Variants in CBLN2 observed in about 807,000 individuals in gnomAD.
CBLN2 encodes the protein cerebellin-2.
Under a neutral mutation model 15.0 loss-of-function variants are expected in CBLN2, and 7 were observed. That is an observed-to-expected ratio of 0.47 (90% CI 0.27 to 0.88). CBLN2 has a LOEUF of 0.88. Among genes scored for constraint, CBLN2 ranks in the 40% least tolerant of loss-of-function variants. The pLI is 0.14. For missense variants in CBLN2, 242 were observed against 304.5 expected (o/e 0.79, Z 1.53); for synonymous variants, 149 against 135.2 (o/e 1.10, Z -0.71).
At chr18:72,563,538 A>T (rs1177078922) in intron 1 of CBLN2, among the ~76,000 whole-genome samples, 2 of 151,822 alleles carry the variant, frequency 1.3e-5, no homozygotes, top group Non-Finnish European at 2.9e-5. Context: ...ACAGCAAGGA[A>T]GTGGTAAAGA....
intron 1 of CBLN2, among the ~76,000 whole-genome samples, chr18:72,609,060 T>A (rs1183400203): frequency 6.6e-6 from 1 of 152,188 alleles, no homozygotes; most frequent in East Asian, 1.9e-4. Flanking sequence ...AGGTGAGATT[T>A]GGGTGGGAAC....
chr18:72,622,844 G>A (rs772584722), intron 1 of CBLN2, among the ~76,000 whole-genome samples: 2 of 152,094 alleles, frequency 1.3e-5, no homozygotes, highest in African/African-American at 2.4e-5. Context: ...CCTGCTTATC[G>A]TCTTTGAGCT....
chr18:72,538,535 A>G (rs1228954958), intron 4 of CBLN2, 118 bp downstream of exon 4: 1 of 1,467,680 alleles, frequency 6.8e-7, no homozygotes, highest in African/African-American at 1.4e-5. Flanking sequence ...GAGCCACATC[A>G]CCCCCTGGAC....
At chr18:72,619,232 AG>A in intron 1 of CBLN2, 1 of 929,396 alleles carries the variant, frequency 1.1e-6, no homozygotes. Context: ...AATTACAGTC[AG>A]GAAACAAAGC....
At chr18:72,538,454 A>G (rs1182029838) in intron 4 of CBLN2, 81 bp from the exon 5 acceptor site, 12 of 1,503,866 alleles carry the variant, frequency 8.0e-6, no homozygotes, top group Middle Eastern at 2.0e-4. Flanking sequence ...CAATATCCCC[A>G]CTCCCACCCC....
In CBLN2 at chr18:72,538,262, T is replaced by C; in HGVS notation, c.589A>G (p.Lys197Glu). Residue 197 changes from lysine (K) to glutamate (E), a missense_variant, in exon 5 of 5, where the codon AAA becomes GAA. By Grantham distance (56) the Lys-to-Glu change is moderately conservative. Coordinates refer to ENST00000269503, the MANE Select transcript of CBLN2 (RefSeq NM_182511.4). ...GVLLLMEREDKVHLKLERGNL... is the reference protein window; with the variant it reads ...GVLLLMEREDEVHLKLERGNL... ...CCTCTCTCAAGTTTGAGATGCACTT[T>C]GTCTTCCCTTTCCATGAGCAGCAGC... 6.2e-7 allele frequency: 1 copy of C among 1,614,170 alleles called. No homozygotes were observed. The highest frequency in any genetic ancestry group is 8.5e-7 in the Non-Finnish European group (1 of 1,180,026).
chr18:72,577,007 TATATATATAATGTG>T (rs142894071), intron 1 of CBLN2, among the ~76,000 whole-genome samples: 24,427 of 147,006 alleles, frequency 0.17, 2,239 homozygotes, highest in Admixed American at 0.28. Context: ...TGTGATAATT[TATATATATAATGTG>T]ATATATATAA....
At chr18:72,582,438 A>G (rs12970488) in intron 1 of CBLN2, among the ~76,000 whole-genome samples, 81,157 of 151,924 alleles carry the variant, frequency 0.53, 26,261 homozygotes, top group Non-Finnish European at 0.73. Context: ...TTGTTCTTTC[A>G]GATGTCAGCA....
At chr18:72,547,668 T>C (rs1014877924), upstream of CBLN2, among the ~76,000 whole-genome samples, 2 of 152,054 alleles carry the variant, frequency 1.3e-5, no homozygotes, top group Non-Finnish European at 2.9e-5. Context: ...TAATATATTT[T>C]TATCTAGAAG....
chr18:72,603,535 T>C (rs1444795944), intron 1 of CBLN2, among the ~76,000 whole-genome samples: 2 of 152,184 alleles, frequency 1.3e-5, no homozygotes, highest in East Asian at 1.9e-4. Flanking sequence ...TCATATTTCA[T>C]TGTTTTTCTG....
intron 1 of CBLN2, among the ~76,000 whole-genome samples, chr18:72,549,808 A>G (rs2069180670): frequency 6.6e-6 from 1 of 152,174 alleles, no homozygotes. Context: ...AGATTATTCT[A>G]TCAGGGGTTA....
At chr18:72,612,676 A>G (rs931223687) in intron 1 of CBLN2, among the ~76,000 whole-genome samples, 1 of 152,196 alleles carries the variant, frequency 6.6e-6, no homozygotes, top group African/African-American at 2.4e-5. Flanking sequence ...TTAAATGTCT[A>G]TTCTGCGGAG....
In CBLN2 at chr18:72,540,733, G is replaced by T. The variant is rs559546211; in HGVS notation, c.357+1071C>A. On this transcript the variant is annotated intron_variant, in intron 3 of 4. Transcript: ENST00000269503. ...CTAACAATAATTGAGAAATAAATACGCTGACTTAAATAGAGTCAAGAGTGT... is the reference window on the plus strand; with the variant it reads ...CTAACAATAATTGAGAAATAAATACTCTGACTTAAATAGAGTCAAGAGTGT... Among the ~76,000 whole-genome samples, 5 of 152,010 alleles carry T rather than the reference G, an allele frequency of 3.3e-5. No homozygotes were observed. The East Asian group carries it at 9.6e-4, about 29-fold the overall frequency.
At chr18:72,547,905 A>G (rs376551678), upstream of CBLN2, among the ~76,000 whole-genome samples, 77 of 152,328 alleles carry the variant, frequency 5.1e-4, no homozygotes, top group East Asian at 8.3e-3. Context: ...GCTTTCCAAA[A>G]TATGTTTTCT....
chr18:72,616,691 TGACA>T (rs1206942287), intron 1 of CBLN2, among the ~76,000 whole-genome samples: 4 of 152,338 alleles, frequency 2.6e-5, no homozygotes, highest in Non-Finnish European at 2.9e-5. Flanking sequence ...GTGTAAAAAA[TGACA>T]GACAATCTAA....
chr18:72,585,801 G>C (rs1445152557), intron 1 of CBLN2, among the ~76,000 whole-genome samples: 1 of 152,174 alleles, frequency 6.6e-6, no homozygotes, highest in Non-Finnish European at 1.5e-5. Flanking sequence ...TACCCCCTTG[G>C]CCTCCCTCTC....
chr18:72,586,205 A>T (rs955660571), intron 1 of CBLN2, among the ~76,000 whole-genome samples: 2 of 152,218 alleles, frequency 1.3e-5, no homozygotes, highest in South Asian at 4.1e-4. Flanking sequence ...GCAACATGGC[A>T]GCAGTGCTCC....
chr18:72,539,304 C>G (rs1229768482), intron 3 of CBLN2: 1 of 153,870 alleles, frequency 6.5e-6, no homozygotes, highest in East Asian at 1.9e-4. Context: ...CCTAACTTCA[C>G]GTGCTCCCAG....
In CBLN2 at chr18:72,581,534, T is replaced by C. The variant is rs369610011; in HGVS notation, c.16-42762A>G. Among the ~76,000 whole-genome samples, 8 of 152,338 alleles carry C rather than the reference T, an allele frequency of 5.3e-5. No homozygotes were observed. In the South Asian group the frequency reaches 1.4e-3, roughly 28 times the overall value. On this transcript the variant is annotated intron_variant, in intron 1 of 2. Coordinates refer to the CBLN2 transcript ENST00000581073. ...TTTAAATCATTAGAATATCCCACTTTGTGTCTTGTATATGTTAACTTACAC... is the reference window on the plus strand; with the variant it reads ...TTTAAATCATTAGAATATCCCACTTCGTGTCTTGTATATGTTAACTTACAC...
Sources: gnomAD v4.1 joint callset for allele counts (sites outside exome capture counted in the v4.1 genomes callset) on GRCh38, gnomAD v4.1.1 for gene constraint, MANE v1.5 for transcripts, NCBI Gene and HGNC (gene_info 2026-07-23, HGNC 2026-07-21) for gene names.